The following BCL2L13 variants were observed in gnomAD, a reference collection of about 807,000 sequenced individuals.
The protein encoded by BCL2L13 is bcl-2-like protein 13.
BCL2L13 carries 13 observed loss-of-function variants against 25.8 expected under a neutral mutation model. The ratio of observed to expected loss-of-function variants is 0.50; its 90% confidence interval spans 0.33 to 0.80. BCL2L13 has a LOEUF of 0.80. Among genes scored for constraint, BCL2L13 ranks in the 30% least tolerant of loss-of-function variants. The pLI, the probability that BCL2L13 is intolerant of heterozygous loss-of-function variation, is 0.02. For synonymous variants in BCL2L13, 244 were observed against 230.3 expected (o/e 1.06, Z -0.54); for missense variants, 504 against 574.9 (o/e 0.88, Z 1.26).
chr22:17,658,139 A>T (rs554664928), intron 2 of BCL2L13, among the ~76,000 whole-genome samples: 5 of 150,560 alleles, frequency 3.3e-5, no homozygotes, highest in Admixed American at 2.6e-4. Flanking sequence ...TTATCGTCCA[A>T]TTCACCCTTT....
At chr22:17,640,897 TA>T (rs202139005) in intron 1 of BCL2L13, among the ~76,000 whole-genome samples, 80 of 62,718 alleles carry the variant, frequency 1.3e-3, no homozygotes, top group Admixed American at 3.4e-3. Context: ...TATATATATA[TA>T]TTTTTTTTTT....
upstream of BCL2L13, chr22:17,638,115 C>G (rs1451721557): frequency 6.6e-6 from 1 of 152,234 alleles, no homozygotes; most frequent in Admixed American, 6.6e-5. Flanking sequence ...CCTTCCGATA[C>G]TCCTCCAAAG....
At chr22:17,710,828 G>C (rs1190790825) in intron 6 of BCL2L13, among the ~76,000 whole-genome samples, 1 of 151,918 alleles carries the variant, frequency 6.6e-6, no homozygotes, top group Non-Finnish European at 1.5e-5. Flanking sequence ...AGTGAGTCAA[G>C]ATCGAGCCAC....
chr22:17,718,359 G>A (rs2061005298), intron 6 of BCL2L13, among the ~76,000 whole-genome samples: 1 of 152,224 alleles, frequency 6.6e-6, no homozygotes, highest in African/African-American at 2.4e-5. Context: ...TATGGGGTAA[G>A]ACAGAAGTGA....
chr22:17,691,636 ACT>A (rs888818862), intron 4 of BCL2L13, among the ~76,000 whole-genome samples: 120 of 151,294 alleles, frequency 7.9e-4, no homozygotes, highest in African/African-American at 2.8e-3. Flanking sequence ...ACAGAGCAAG[ACT>A]CTGTCTCAAA....
chr22:17,676,680 A>C (rs1426575290), intron 2 of BCL2L13, among the ~76,000 whole-genome samples: 1 of 152,204 alleles, frequency 6.6e-6, no homozygotes, highest in Non-Finnish European at 1.5e-5. Flanking sequence ...GTCATGATGT[A>C]TTCTGGAGAT....
At chr22:17,640,317 C>T (rs1265347864) in intron 1 of BCL2L13, among the ~76,000 whole-genome samples, 1 of 151,876 alleles carries the variant, frequency 6.6e-6, no homozygotes, top group Non-Finnish European at 1.5e-5. Context: ...TATTTTTTTT[C>T]CAATGGCTCA....
At position 17,726,745 on chromosome 22, in the gene BCL2L13, C is replaced by A; in HGVS notation, c.669C>A (p.Asp223Glu). 1 of 1,614,190 alleles carries A rather than the reference C, an allele frequency of 6.2e-7. No homozygotes were observed. Among genetic ancestry groups the A allele is most frequent in the Non-Finnish European group, 8.5e-7 (1 of 1,180,026 alleles). ...YPGITAEDSN[D>E]IYILPSDNSG... is the part of the protein sequence containing the mutation. Reference sequence around the variant, plus strand: ...GAATCACTGCAGAAGATAGCAATGACATTTACATCCTGCCCAGCGACAACT... The same window carrying A: ...GAATCACTGCAGAAGATAGCAATGAAATTTACATCCTGCCCAGCGACAACT... The change falls in exon 7 of 7, where the codon GAC (aspartate) becomes GAA (glutamate). Residue 223 changes from aspartate (D) to glutamate (E), a missense_variant. Coordinates refer to ENST00000317582, the MANE Select transcript of BCL2L13 (RefSeq NM_015367.4).
At chr22:17,656,653 A>G (rs1312486260) in intron 2 of BCL2L13, among the ~76,000 whole-genome samples, 1 of 151,544 alleles carries the variant, frequency 6.6e-6, no homozygotes, top group Non-Finnish European at 1.5e-5. Context: ...AACTCATTTT[A>G]TTCTATTTGA....
intron 1 of BCL2L13, among the ~76,000 whole-genome samples, chr22:17,649,140 C>T (rs1052971784): frequency 4.0e-5 from 6 of 151,804 alleles, no homozygotes; most frequent in African/African-American, 9.7e-5. Context: ...AGCTCTGTCA[C>T]GCAGGCTGGA....
intron 1 of BCL2L13, among the ~76,000 whole-genome samples, chr22:17,630,580 C>T (rs1291529863): frequency 1.7e-4 from 23 of 134,112 alleles, no homozygotes; most frequent in Non-Finnish European, 2.3e-4. Context: ...ACCCGGCCTT[C>T]TTTTTCTTTT....
chr22:17,722,637 A>G (rs2061178565), intron 6 of BCL2L13, among the ~76,000 whole-genome samples: 1 of 152,122 alleles, frequency 6.6e-6, no homozygotes, highest in South Asian at 2.1e-4. Flanking sequence ...TCAGCTCTCA[A>G]ACTGTTGTTT....
chr22:17,688,656 A>G (rs183258511), intron 3 of BCL2L13, among the ~76,000 whole-genome samples: 2 of 152,318 alleles, frequency 1.3e-5, no homozygotes, highest in Admixed American at 6.5e-5. Context: ...AACAAAGATT[A>G]ATGTCCACAA....
intron 3 of BCL2L13, among the ~76,000 whole-genome samples, chr22:17,685,755 T>TTTTTG (rs2059910409): frequency 7.7e-6 from 1 of 130,634 alleles, no homozygotes; most frequent in East Asian, 2.2e-4. Context: ...TAATTTTTTC[T>TTTTTG]TTTTCTTTTT....
chr22:17,709,414 G>A (rs544867427), intron 6 of BCL2L13, among the ~76,000 whole-genome samples: 1 of 151,984 alleles, frequency 6.6e-6, no homozygotes, highest in Admixed American at 6.6e-5. Context: ...GGCCAACGTG[G>A]TGAAACCCCA....
chr22:17,677,176 A>G (rs2059598552), intron 2 of BCL2L13, among the ~76,000 whole-genome samples: 1 of 152,204 alleles, frequency 6.6e-6, no homozygotes. Context: ...AAATAAAAAA[A>G]TAAAAGGATT....
intron 1 of BCL2L13, among the ~76,000 whole-genome samples, chr22:17,646,955 A>ATATTTTTTTTTT (rs768488873): frequency 2.3e-4 from 5 of 22,190 alleles, no homozygotes; most frequent in Non-Finnish European, 3.8e-4. Context: ...ATATATATAT[A>ATATTTTTTTTTT]TTTTTTTTTT....
intron 2 of BCL2L13, among the ~76,000 whole-genome samples, chr22:17,657,766 T>TCG (rs1321391240): frequency 6.6e-6 from 1 of 150,852 alleles, no homozygotes; most frequent in African/African-American, 2.4e-5. Context: ...TCCGCCTGCC[T>TCG]CGGCCTCCCA....
intron 6 of BCL2L13, among the ~76,000 whole-genome samples, chr22:17,725,604 A>G (rs1357426322): frequency 1.3e-5 from 2 of 152,326 alleles, no homozygotes; most frequent in East Asian, 3.9e-4. Context: ...TTGGACTATG[A>G]CATAGCATTA....
Sources: gnomAD v4.1 joint callset for allele counts (sites outside exome capture counted in the v4.1 genomes callset) on GRCh38, gnomAD v4.1.1 for gene constraint, MANE v1.5 for transcripts, NCBI Gene and HGNC (gene_info 2026-07-23, HGNC 2026-07-21) for gene names.